RPL3L: variants seen among roughly 807,000 people sequenced by gnomAD.
RPL3L encodes the protein ribosomal protein L3 like, also known as ribosomal protein uL3-like.
A neutral mutation model predicts 44.5 loss-of-function variants in RPL3L; 44 were observed. The observed-to-expected ratio is 0.99, with a 90% CI of 0.78 to 1.27. RPL3L has a LOEUF of 1.27. Among genes scored for constraint, RPL3L ranks in the 50% most tolerant of loss-of-function variants. RPL3L has a pLI of 0.00. For missense variants in RPL3L, 631 were observed against 569.1 expected, an observed-to-expected ratio of 1.11 and a Z score of -1.11; for synonymous variants, 292 against 230.7, an observed-to-expected ratio of 1.27 and a Z score of -2.41.
rs2083108679 is a variant in RPL3L at position 1,944,872 on chromosome 16, C to G, written c.1189G>C (p.Glu397Gln). 1.9e-6 allele frequency: 3 copies of G among 1,614,094 alleles called. No homozygotes were observed. Among genetic ancestry groups the G allele is most frequent in the East Asian group, 2.2e-5 (1 of 44,876 alleles). ...CCCGAGGTCTCCGGCGTTTCCTTCT[C>G]CAGATGCTTCTTTTGGGGGCCCTGG... ...AFMGPQKKHL[E>Q]KETPETSGDL The change falls in exon 10 of 10, where the codon GAG becomes CAG. Residue 397 changes from glutamate to glutamine, a missense_variant. Transcript: ENST00000268661.
Position 1,947,277 on chromosome 16 carries a change from T to C in RPL3L, c.605A>G (p.Glu202Gly). 6.2e-7 allele frequency: 1 copy of C among 1,613,328 alleles called. No individual in the cohort carries two copies. Among genetic ancestry groups the C allele is most frequent in the Non-Finnish European group, 8.5e-7 (1 of 1,179,872 alleles). Residue 202 changes from glutamate (E) to glycine (G), a missense_variant, in exon 5 of 10, where the codon GAG (glutamate) becomes GGG (glycine). Coordinates refer to ENST00000268661, the MANE Select transcript of RPL3L (RefSeq NM_005061.3). ...EKVAWAQARL[E>G]KQVPVHSVFS... The stretch of plus-strand genomic sequence containing the variant: ...CACGCTGTGCACGGGCACCTGCTTC[T>C]CCAGCCGGGCCTGGGCCCAGGCCAC...
chr16:1,946,917 G>A lies in RPL3L; in HGVS notation c.849+21C>T, dbSNP rs376756280. 41 of 1,588,668 alleles carry A rather than the reference G, an allele frequency of 2.6e-5. 1 individual carries two copies. Among genetic ancestry groups the A allele is most frequent in the Admixed American group, 2.1e-4 (12 of 58,198 alleles). ...TGGGGTCCGACCACACAGTGTCCCC[G>A]TACCCCGGCTGAGGACGCACCTTCT... is the stretch of plus-strand genomic sequence containing the variant. On this transcript the variant is annotated intron_variant, in intron 6 of 9. Transcript: ENST00000268661.
rs755056070 is a variant in RPL3L at position 1,944,902 on chromosome 16, G to A, written c.1168-9C>T. On this transcript the variant is annotated splice_polypyrimidine_tract_variant and intron_variant, in intron 9 of 9. Transcript: ENST00000268661. ...TGCTTCTTTTGGGGGCCCTGGTTGA[G>A]AGGGTGGTGCAGGAGGAGCCTTAGT... 1.9e-6 allele frequency: 3 copies of A among 1,611,822 alleles called. No individual in the cohort carries two copies. The Admixed American group carries it at 5.0e-5, about 27-fold the overall frequency.
At chr16:1,948,612 G>A (rs1377575902) in intron 4 of RPL3L, among the ~76,000 whole-genome samples, 1 of 152,054 alleles carries the variant, frequency 6.6e-6, no homozygotes, top group East Asian at 1.9e-4. Context: ...AAGGCTCACT[G>A]CAGCCTCAGC....
intron 1 of RPL3L, 100 bp downstream of exon 1, chr16:1,954,529 G>T: frequency 7.5e-7 from 1 of 1,339,156 alleles, no homozygotes; most frequent in Non-Finnish European, 1.0e-6. Context: ...TCACAGGCTG[G>T]GAGACTGTCC....
intron 6 of RPL3L, 104 bp from the exon 7 acceptor site, chr16:1,946,830 A>C: frequency 6.4e-7 from 1 of 1,567,808 alleles, no homozygotes; most frequent in Non-Finnish European, 8.7e-7. Flanking sequence ...TGGTGGGGGC[A>C]TCTTGTGTCC....
At chr16:1,951,738 T>TA (rs1567311573) in intron 3 of RPL3L, among the ~76,000 whole-genome samples, 1 of 145,066 alleles carries the variant, frequency 6.9e-6, no homozygotes, top group Non-Finnish European at 1.5e-5. Context: ...TTATTATTAT[T>TA]ATTATTATTA....
Position 1,945,524 on chromosome 16 carries a change from G to C in RPL3L, c.1142C>G (p.Thr381Arg). 1.2e-6 allele frequency: 2 copies of C among 1,613,472 alleles called. No homozygotes were observed. The highest frequency in any genetic ancestry group is 1.7e-6 in the Non-Finnish European group (2 of 1,179,836). Residue 381 changes from threonine (T) to arginine (R), a missense_variant, in exon 9 of 10, where the codon ACA (threonine) becomes AGA (arginine). Coordinates refer to ENST00000268661, the MANE Select transcript of RPL3L (RefSeq NM_005061.3). ...TSKFGHGRFQ[T>R]AQEKRAFMGP... ...CATGAAGGCCCTCTTCTCTTGGGCTGTCTGGAAGCGGCCATGGCCGAACTT... is the reference window on the plus strand; with the variant it reads ...CATGAAGGCCCTCTTCTCTTGGGCTCTCTGGAAGCGGCCATGGCCGAACTT...
intron 7 of RPL3L, 129 bp downstream of exon 7, chr16:1,946,496 G>T (rs760391970): frequency 1.4e-5 from 13 of 948,744 alleles, no homozygotes; most frequent in African/African-American, 4.9e-5. Flanking sequence ...AGCCCTTGGG[G>T]CAGGGAGCGT....
rs376228564 is a variant in RPL3L at position 1,947,284 on chromosome 16, G to C, written c.598C>G (p.Arg200Gly). The C allele has an allele frequency of 6.2e-7, 1 of 1,613,214 alleles. No homozygotes were observed. Among genetic ancestry groups the C allele is most frequent in the Non-Finnish European group, 8.5e-7 (1 of 1,179,848 alleles). Residue 200 changes from arginine (R) to glycine (G), a missense_variant, in exon 5 of 10, where the codon CGG (arginine) becomes GGG (glycine). By Grantham distance (125) the Arg-to-Gly change is moderately radical (BLOSUM62 -2). Transcript: ENST00000268661. ...VAEKVAWAQARLEKQVPVHSV... is the reference protein window; with the variant it reads ...VAEKVAWAQAGLEKQVPVHSV... Reference sequence around the variant, plus strand: ...TGCACGGGCACCTGCTTCTCCAGCCGGGCCTGGGCCCAGGCCACCTTCTCG... The same window carrying C: ...TGCACGGGCACCTGCTTCTCCAGCCCGGCCTGGGCCCAGGCCACCTTCTCG...
At chr16:1,952,658 G>C (rs966742643) in intron 3 of RPL3L, among the ~76,000 whole-genome samples, 7 of 152,296 alleles carry the variant, frequency 4.6e-5, no homozygotes, top group Admixed American at 1.3e-4. Context: ...TTACAGGCGT[G>C]AGCCAGCACG....
In RPL3L at chr16:1,946,727, C is replaced by T. The variant is rs772788083; in HGVS notation, c.850-1G>A. The T allele has an allele frequency of 6.2e-7, 1 of 1,612,386 alleles. No homozygotes were observed. On this transcript the variant is annotated splice_acceptor_variant, in intron 6 of 9. Transcript: ENST00000268661. LOFTEE classifies it high-confidence loss of function. ...GCGGGCCCCTGCCGATGCGGAAGAT[C>T]TGCCAGAAGGGGGCACATGCCAGGG... is the stretch of plus-strand genomic sequence containing the variant.
rs2083107651 is a variant in RPL3L, at chr16:1,944,771, C to G, written c.*66G>C. 2.5e-6 allele frequency: 4 copies of G among 1,608,014 alleles called. No individual in the cohort carries two copies. The highest frequency in any genetic ancestry group is 3.4e-6 in the Non-Finnish European group (4 of 1,174,844). On this transcript the variant is annotated 3_prime_UTR_variant, in exon 10 of 10. Transcript: ENST00000268661. ...TGAGACCTCGCAGGAAGAGTCGCCT[C>G]CGGCCTTTGTTAGACATTGGGGCAG... is the stretch of plus-strand genomic sequence containing the variant.
intron 9 of RPL3L, 29 bp downstream of exon 9, chr16:1,945,470 A>G (rs372742163): frequency 6.3e-7 from 1 of 1,592,076 alleles, no homozygotes. Context: ...AGCCCCAGAG[A>G]AGAACAAGGA....
At chr16:1,951,103 C>T (rs377438370) in intron 3 of RPL3L, 124 bp from the exon 4 acceptor site, 16 of 1,315,818 alleles carry the variant, frequency 1.2e-5, no homozygotes, top group East Asian at 7.3e-5. Flanking sequence ...GCCCCCCACC[C>T]GGAGGCCTCT....
rs1416003647 is a variant in RPL3L at position 1,945,732 on chromosome 16, C to A, written c.1047+103G>T. ...TCACCTAGTTCCTACCAGAGCCCTC[C>A]CCTTCTGCTCCCACCACTCCATCCC... On this transcript the variant is annotated intron_variant, in intron 8 of 9. Coordinates refer to ENST00000268661, the MANE Select transcript of RPL3L (RefSeq NM_005061.3). 3.7e-6 allele frequency: 6 copies of A among 1,601,762 alleles called. No individual in the cohort carries two copies. In the African/African-American group the frequency reaches 8.0e-5, roughly 21 times the overall value.
Position 1,944,631 on chromosome 16 carries a change from G to T in RPL3L, c.*206C>A. ...ATAAAACATAAAACTCCGGTCTCCC[G>T]CACAGCCAGCTCTGTGTGAATTACT... On this transcript the variant is annotated 3_prime_UTR_variant, in exon 10 of 10. Coordinates refer to ENST00000268661, the MANE Select transcript of RPL3L (RefSeq NM_005061.3). 1.9e-6 allele frequency: 1 copy of T among 524,534 alleles called. No homozygotes were observed. Among genetic ancestry groups the T allele is most frequent in the South Asian group, 2.4e-5 (1 of 41,710 alleles). 32.5% of individuals were successfully genotyped at this position (524,534 alleles called of 1,614,324 possible). A position where few individuals can be genotyped will look rare whatever the true frequency, so the allele number is the denominator to read the frequency against.
rs777369685 is a variant in RPL3L at position 1,954,059 on chromosome 16, C to T, written c.93G>A (p.Thr31=). 21 of 1,606,842 alleles carry T rather than the reference C, an allele frequency of 1.3e-5. No homozygotes were observed. Among genetic ancestry groups the T allele is most frequent in the Middle Eastern group, 3.3e-4 (2 of 6,068 alleles). Residue 31 remains threonine (T), a synonymous_variant, in exon 2 of 10, where the codon ACG becomes ACA. Transcript: ENST00000268661. The stretch of plus-strand genomic sequence containing the variant: ...GCTGGCTGGGGTCATCCCGCGGCCA[C>T]GTCTTCACCTTGCCCCGGTGCCGGT... The part of the protein sequence containing the change: ...RSHRHRGKVK[T]WPRDDPSQPV...
rs1302779598 is a variant in RPL3L, at chr16:1,954,096, T to C, written c.56A>G (p.His19Arg). 8 of 1,602,874 alleles carry C rather than the reference T, an allele frequency of 5.0e-6. No individual in the cohort carries two copies. Among genetic ancestry groups the C allele is most frequent in the Non-Finnish European group, 6.8e-6 (8 of 1,175,734 alleles). The change falls in exon 2 of 10, where the codon CAT becomes CGT. Residue 19 changes from histidine (H) to arginine (R), a missense_variant. Physicochemically the swap from His to Arg is conservative, Grantham distance 29. Transcript: ENST00000268661. ...GCCCCGGTGCCGGTGGCTCCTCTTA[T>C]GGGGCAGGAAGCCCAGGTGTCCGTG... ...PRHGHLGFLP[H>R]KRSHRHRGKV...
Sources: allele counts gnomAD v4.1 joint callset (sites outside exome capture counted in the v4.1 genomes callset), GRCh38; gene constraint gnomAD v4.1.1; transcripts MANE v1.5; gene names NCBI Gene and HGNC (gene_info 2026-07-23, HGNC 2026-07-21).